RTL4: variants seen among roughly 807,000 people sequenced by gnomAD.
RTL4 encodes retrotransposon Gag-like protein 4.
A neutral mutation model predicts 5.3 loss-of-function variants in RTL4; 4 were observed. The ratio of observed to expected loss-of-function variants is 0.75; its 90% CI spans 0.37 to 1.72. RTL4 has a LOEUF of 1.72. Among genes scored for constraint, RTL4 ranks in the 40% most tolerant of loss-of-function variants. RTL4 has a pLI of 0.04. For synonymous variants in RTL4, 98 were observed against 87.3 expected (o/e 1.12, Z -0.68); for missense variants, 260 against 227.1 (o/e 1.14, Z -0.93).
At chrX:112,284,052 T>C in the RTL4 span, among the ~76,000 whole-genome samples, 1 of 109,193 alleles carries the variant, frequency 9.2e-6, no homozygotes, top group East Asian at 2.8e-4. Context: ...TACTGATGCC[T>C]CAGGATCCAA....
chrX:112,283,243 TA>T, the RTL4 span, among the ~76,000 whole-genome samples: 2 of 112,098 alleles, frequency 1.8e-5, no homozygotes, highest in African/African-American at 6.5e-5. Context: ...TTAATTCAAA[TA>T]TCTATGCTGC....
At chrX:112,448,862 G>T in the RTL4 span, among the ~76,000 whole-genome samples, 1 of 111,887 alleles carries the variant, frequency 8.9e-6, no homozygotes, top group African/African-American at 3.2e-5. Flanking sequence ...ATGAAATGAT[G>T]AATATAAGGT....
At chrX:112,231,716 T>TATA in the RTL4 span, among the ~76,000 whole-genome samples, 1 of 110,586 alleles carries the variant, frequency 9.0e-6, no homozygotes, top group African/African-American at 3.3e-5. Context: ...AAACTTAAAG[T>TATA]ATAATAATAA....
At chrX:112,305,329 G>GTATTTTATTTTATTT in the RTL4 span, among the ~76,000 whole-genome samples, 2 of 105,174 alleles carry the variant, frequency 1.9e-5, no homozygotes, top group African/African-American at 7.1e-5. Flanking sequence ...GCTAATTTTT[G>GTATTTTATTTTATTT]TATTTTATTT....
chrX:112,324,096 T>TTC, the RTL4 span, among the ~76,000 whole-genome samples: 1 of 112,276 alleles, frequency 8.9e-6, no homozygotes, highest in Non-Finnish European at 1.9e-5. Context: ...ACTCCATATC[T>TTC]TCCTTCACTC....
the RTL4 span, among the ~76,000 whole-genome samples, chrX:112,328,762 A>T: frequency 8.9e-6 from 1 of 111,916 alleles, no homozygotes; most frequent in Non-Finnish European, 1.9e-5. Context: ...TTGGAAGTAA[A>T]GTTCCCCTCA....
chrX:112,276,727 A>C, the RTL4 span, among the ~76,000 whole-genome samples: 1 of 112,088 alleles, frequency 8.9e-6, no homozygotes, highest in Non-Finnish European at 1.9e-5. Context: ...AAAGCAAATG[A>C]AAATAGATTG....
At chrX:112,170,454 G>C in the RTL4 span, among the ~76,000 whole-genome samples, 6 of 111,701 alleles carry the variant, frequency 5.4e-5, no homozygotes, top group Admixed American at 9.5e-5. Flanking sequence ...TCTCCTCAAA[G>C]AGCTCCTTCG....
chrX:112,187,262 T>C, the RTL4 span, among the ~76,000 whole-genome samples: 2 of 112,377 alleles, frequency 1.8e-5, no homozygotes, highest in Admixed American at 1.9e-4. Context: ...TCTCTTTGAG[T>C]GAGGCTTCTG....
At chrX:112,225,621 C>T in the RTL4 span, among the ~76,000 whole-genome samples, 1 of 111,813 alleles carries the variant, frequency 8.9e-6, no homozygotes, top group African/African-American at 3.3e-5. Flanking sequence ...AGATCATCTC[C>T]AACAGAATGA....
chrX:112,426,121 G>A, the RTL4 span, among the ~76,000 whole-genome samples: 4 of 111,353 alleles, frequency 3.6e-5, no homozygotes, highest in Non-Finnish European at 7.6e-5. Context: ...TATAAGGTCT[G>A]TGTTTAGATT....
At chrX:112,116,184 TC>T in the RTL4 span, among the ~76,000 whole-genome samples, 1 of 111,190 alleles carries the variant, frequency 9.0e-6, no homozygotes, top group Non-Finnish European at 1.9e-5. Flanking sequence ...GCCCCCAAAT[TC>T]TAAGGAAAAA....
the RTL4 span, among the ~76,000 whole-genome samples, chrX:112,378,901 C>T: frequency 8.9e-6 from 1 of 112,279 alleles, no homozygotes; most frequent in Non-Finnish European, 1.9e-5. Context: ...GTTTAGGTGG[C>T]AAATTGATTA....
the RTL4 span, among the ~76,000 whole-genome samples, chrX:112,330,807 A>G: frequency 9.9e-5 from 11 of 111,502 alleles, no homozygotes; most frequent in African/African-American, 3.6e-4. Context: ...ACCAAAACAG[A>G]GATATAGATC....
the RTL4 span, among the ~76,000 whole-genome samples, chrX:112,304,096 G>A: frequency 9.0e-6 from 1 of 110,853 alleles, no homozygotes; most frequent in African/African-American, 3.3e-5. Context: ...GAAGGACCTG[G>A]ACCTTTCTGT....
chrX:112,229,991 G>C, the RTL4 span, among the ~76,000 whole-genome samples: 1 of 112,648 alleles, frequency 8.9e-6, no homozygotes, highest in Admixed American at 9.3e-5. Flanking sequence ...CCCACTTGAG[G>C]AGGCAGTCTG....
chrX:112,191,089 A>AT, the RTL4 span, among the ~76,000 whole-genome samples: 6 of 112,551 alleles, frequency 5.3e-5, no homozygotes, highest in African/African-American at 1.9e-4. Flanking sequence ...GGGATGGTAT[A>AT]TAACAATGAA....
chrX:112,145,915 T>C, the RTL4 span, among the ~76,000 whole-genome samples: 1 of 112,120 alleles, frequency 8.9e-6, no homozygotes, highest in African/African-American at 3.2e-5. Flanking sequence ...CCAAATCATA[T>C]ATGCGCTTGT....
chrX:112,209,555 C>T, the RTL4 span, among the ~76,000 whole-genome samples: 18 of 111,653 alleles, frequency 1.6e-4, no homozygotes, highest in South Asian at 3.8e-4. Context: ...TCATAGGGAA[C>T]GCCCCATGAG....
Sources: gnomAD v4.1 joint callset for allele counts (sites outside exome capture counted in the v4.1 genomes callset) on GRCh38, gnomAD v4.1.1 for gene constraint, MANE v1.5 for transcripts, NCBI Gene and HGNC (gene_info 2026-07-23, HGNC 2026-07-21) for gene names.